Variants in RASGRP3 observed in about 807,000 individuals in gnomAD.
The protein encoded by RASGRP3 is ras guanyl-releasing protein 3.
In RASGRP3, 54 loss-of-function variants were observed where a neutral mutation model predicts 82.7. The ratio of observed to expected loss-of-function variants is 0.65; its 90% CI spans 0.52 to 0.82. RASGRP3 has a LOEUF of 0.82. Ranked by LOEUF, RASGRP3 falls within the 40% of genes least tolerant of loss-of-function variation. The pLI, the probability that RASGRP3 is intolerant of heterozygous loss-of-function variation, is 0.00. For missense variants in RASGRP3, 861 were observed against 828.9 expected (o/e 1.04, Z -0.48); for synonymous variants, 309 against 300.5 (o/e 1.03, Z -0.29).
chr2:33,521,808 GT>G, intron 6 of RASGRP3, 146 bp from the exon 7 acceptor site: 2 of 1,006,200 alleles, frequency 2.0e-6, no homozygotes, highest in Admixed American at 2.8e-5. Flanking sequence ...CTGGTCAGTG[GT>G]TTTCTCTTCC....
chr2:33,449,896 A>G (rs548723029), intron 2 of RASGRP3, among the ~76,000 whole-genome samples: 7 of 152,358 alleles, frequency 4.6e-5, no homozygotes, highest in African/African-American at 1.7e-4. Context: ...TCTGTGTAAC[A>G]AATCATTCCA....
chr2:33,527,673 G>A (rs1383955470), intron 10 of RASGRP3, among the ~76,000 whole-genome samples: 1 of 152,182 alleles, frequency 6.6e-6, no homozygotes, highest in East Asian at 1.9e-4. Flanking sequence ...GGAGTTCTTA[G>A]GCTCCTCCAG....
At position 33,539,156 on chromosome 2, in the gene RASGRP3, G is replaced by A. The variant is rs1291692409; in HGVS notation, c.1224G>A (p.Val408=). ...TACCCCTGGAGTGGGCATTAGGGGT[G>A]ATGCCAAAGCCAGACCCCACGGTCA... ...PVVPLEWALG[V]MPKPDPTVIN... is the part of the protein sequence containing the mutation. The change falls in exon 12 of 18, where the codon GTG becomes GTA. Residue 408 remains valine (V), a synonymous_variant. Coordinates refer to ENST00000403687, the MANE Select transcript of RASGRP3 (RefSeq NM_001139488.2). 1.4e-5 allele frequency: 22 copies of A among 1,611,968 alleles called. No individual in the cohort carries two copies. The highest frequency in any genetic ancestry group is 1.9e-5 in the Non-Finnish European group (22 of 1,179,148).
chr2:33,558,114 G>A, intron 15 of RASGRP3, 97 bp from the exon 16 acceptor site: 1 of 1,455,822 alleles, frequency 6.9e-7, no homozygotes. Context: ...CAGAAACTGG[G>A]GTGGGGGAGG....
Position 33,521,948 on chromosome 2 carries a change from T to C in RASGRP3, c.369-7T>C. 6.2e-7 allele frequency: 1 copy of C among 1,604,204 alleles called. No homozygotes were observed. Among genetic ancestry groups the C allele is most frequent in the Non-Finnish European group, 8.5e-7 (1 of 1,177,332 alleles). On this transcript the variant is annotated splice_region_variant and splice_polypyrimidine_tract_variant and intron_variant, in intron 6 of 17. Transcript: ENST00000403687. ...ACACATTGACCGGACTCACTCTTCT[T>C]TTATAGTCCTTCCTATGACTGGATG...
At chr2:33,489,413 T>C (rs1401044144) in intron 1 of RASGRP3, among the ~76,000 whole-genome samples, 1 of 152,140 alleles carries the variant, frequency 6.6e-6, no homozygotes. Flanking sequence ...TCCTTCAGAA[T>C]GAAAAGCCAA....
chr2:33,504,457 G>C (rs377452804), intron 1 of RASGRP3, among the ~76,000 whole-genome samples: 12 of 152,328 alleles, frequency 7.9e-5, no homozygotes, highest in African/African-American at 2.9e-4. Flanking sequence ...TAAACATTGT[G>C]CTTAATGCTA....
intron 12 of RASGRP3, among the ~76,000 whole-genome samples, chr2:33,542,217 A>G (rs935672702): frequency 1.4e-5 from 2 of 147,624 alleles, no homozygotes; most frequent in African/African-American, 2.4e-5. Flanking sequence ...TGGATAATCC[A>G]TAATTTATCT....
intron 2 of RASGRP3, among the ~76,000 whole-genome samples, chr2:33,450,818 CTTTCTTTTTTTTTTTTTTTTT>C (rs1360775506): frequency 4.6e-5 from 2 of 43,420 alleles, no homozygotes; most frequent in Admixed American, 3.3e-4. Flanking sequence ...CTCTTTCTTT[CTTTCTTTTTTTTTTTTTTTTT>C]TTTTTTTTTT....
chr2:33,550,233 A>G (rs139776444), intron 14 of RASGRP3, among the ~76,000 whole-genome samples: 1,526 of 152,346 alleles, frequency 0.01, 6 homozygotes, highest in Middle Eastern at 0.02. Flanking sequence ...CATTTACTCA[A>G]TGCTTGACGG....
intron 9 of RASGRP3, among the ~76,000 whole-genome samples, chr2:33,525,095 C>CAA (rs77134139): frequency 1.7e-3 from 189 of 114,054 alleles, no homozygotes; most frequent in African/African-American, 5.9e-3. Flanking sequence ...AAAAAAAAAC[C>CAA]AAAAAAAAAA....
intron 7 of RASGRP3, 25 bp from the exon 8 acceptor site, chr2:33,523,852 CAG>C: frequency 6.3e-7 from 1 of 1,577,238 alleles, no homozygotes; most frequent in Non-Finnish European, 8.6e-7. Flanking sequence ...TATTATAATT[CAG>C]AGTCTCTGAA....
At chr2:33,537,324 C>A (rs1335917858) in intron 11 of RASGRP3, among the ~76,000 whole-genome samples, 18 of 28,488 alleles carry the variant, frequency 6.3e-4, no homozygotes, top group South Asian at 5.0e-3. Flanking sequence ...ACACACACCG[C>A]CCCCCCCACA....
intron 14 of RASGRP3, among the ~76,000 whole-genome samples, chr2:33,551,217 G>A (rs1436924804): frequency 6.6e-6 from 1 of 152,180 alleles, no homozygotes; most frequent in Admixed American, 6.5e-5. Context: ...GGAGGCTGAG[G>A]CAGGAGAATC....
At position 33,516,545 on chromosome 2, in the gene RASGRP3, A is replaced by T. The variant is rs1257553074; in HGVS notation, c.74A>T (p.Asp25Val). Residue 25 changes from aspartate (D) to valine (V), a missense_variant, in exon 4 of 18, where the codon GAC becomes GTC. Transcript: ENST00000403687. ...LLCTCIEMFDDNGELDNSYLP... is the reference protein window; with the variant it reads ...LLCTCIEMFDVNGELDNSYLP... ...TCTTGTTTTATTTTTCTAACAGATGACAATGGAGAGCTGGATAATAGTTAT... is the reference window on the plus strand; with the variant it reads ...TCTTGTTTTATTTTTCTAACAGATGTCAATGGAGAGCTGGATAATAGTTAT... 6.4e-7 allele frequency: 1 copy of T among 1,550,886 alleles called. No homozygotes were observed. The highest frequency in any genetic ancestry group is 1.8e-5 in the Admixed American group (1 of 56,524).
chr2:33,466,588 A>G (rs13032602), intron 2 of RASGRP3, among the ~76,000 whole-genome samples: 32,562 of 151,908 alleles, frequency 0.21, 4,036 homozygotes, highest in East Asian at 0.43. Context: ...CTGAGGCAGG[A>G]GAATCACTTG....
At chr2:33,485,194 G>A (rs1668268421) in intron 1 of RASGRP3, among the ~76,000 whole-genome samples, 1 of 152,172 alleles carries the variant, frequency 6.6e-6, no homozygotes, top group Non-Finnish European at 1.5e-5. Flanking sequence ...GTGAAACTCT[G>A]TCTCAAAACA....
rs1396486243 is a variant in RASGRP3, at chr2:33,549,594, C to A, written c.1395-10C>A. On this transcript the variant is annotated splice_polypyrimidine_tract_variant and intron_variant, in intron 13 of 17. Coordinates refer to ENST00000403687, the MANE Select transcript of RASGRP3 (RefSeq NM_001139488.2). ...TAAAGATTCCCTCCCTTCTTTGATT[C>A]TCTTAACAGGGATGGCCTAATTAGT... 6.2e-7 allele frequency: 1 copy of A among 1,608,652 alleles called. No individual in the cohort carries two copies. Among genetic ancestry groups the A allele is most frequent in the East Asian group, 2.2e-5 (1 of 44,840 alleles).
intron 1 of RASGRP3, among the ~76,000 whole-genome samples, chr2:33,438,932 G>A (rs1437462313): frequency 6.6e-6 from 1 of 152,150 alleles, no homozygotes; most frequent in East Asian, 1.9e-4. Flanking sequence ...TACAACTTGG[G>A]GGATGTGTTG....
Sources: gnomAD v4.1 joint callset for allele counts (sites outside exome capture counted in the v4.1 genomes callset) on GRCh38, gnomAD v4.1.1 for gene constraint, MANE v1.5 for transcripts, NCBI Gene and HGNC (gene_info 2026-07-23, HGNC 2026-07-21) for gene names.